The following NEMP2 variants were observed in gnomAD, a reference collection of about 807,000 sequenced individuals.
The protein encoded by NEMP2 is UPF0571 transmembrane protein.
A neutral mutation model predicts 54.2 loss-of-function variants in NEMP2; 53 were observed. The observed-to-expected ratio is 0.98, with a 90% CI of 0.78 to 1.23. The LOEUF is 1.23. NEMP2 is among the 50% of genes most tolerant of loss of function. The pLI is 0.00. For synonymous variants in NEMP2, 197 were observed against 190.3 expected (o/e 1.04, Z -0.29); for missense variants, 455 against 511.3 (o/e 0.89, Z 1.06).
chr2:190,635,116 CTTACAGGCTACCA>C, the NEMP2 span, among the ~76,000 whole-genome samples: 1 of 152,224 alleles, frequency 6.6e-6, no homozygotes, highest in East Asian at 1.9e-4. The surrounding 1 kb of genome is among the most constrained non-coding windows in gnomAD (Gnocchi z 4.1). Flanking sequence ...TGTTAGTGTA[CTTACAGGCTACCA>C]TTGCAGCAAC....
the NEMP2 span, among the ~76,000 whole-genome samples, chr2:190,438,447 C>T: frequency 6.6e-6 from 1 of 152,172 alleles, no homozygotes; most frequent in Non-Finnish European, 1.5e-5. The surrounding 1 kb of genome is among the most constrained non-coding windows in gnomAD (Gnocchi z 5.2). Context: ...ACCCAGGAGG[C>T]AGAGGTTGCA....
At chr2:190,616,213 TA>T in the NEMP2 span, among the ~76,000 whole-genome samples, 1 of 152,000 alleles carries the variant, frequency 6.6e-6, no homozygotes, top group Admixed American at 6.6e-5. This position sits in a 1 kb window ranked among gnomAD's most constrained non-coding sequence, Gnocchi z 5.1. Context: ...ATAAAATACT[TA>T]GAGAAAAACC....
At chr2:190,628,531 T>C in the NEMP2 span, 1 of 152,280 alleles carries the variant, frequency 6.6e-6, no homozygotes, top group East Asian at 1.9e-4. The surrounding 1 kb of genome is among the most constrained non-coding windows in gnomAD (Gnocchi z 4.1). Flanking sequence ...TCAGGAACTC[T>C]TGAGTGAAGA....
At chr2:190,500,283 C>G, downstream of NEMP2, 1 of 1,559,328 alleles carries the variant, frequency 6.4e-7, no homozygotes, top group Non-Finnish European at 8.8e-7. The surrounding 1 kb of genome is among the most constrained non-coding windows in gnomAD (Gnocchi z 5.3). Context: ...CAGGGTGAGG[C>G]CCCCCAGCCA....
At chr2:190,431,280 G>A in the NEMP2 span, among the ~76,000 whole-genome samples, 3 of 152,120 alleles carry the variant, frequency 2.0e-5, no homozygotes, top group African/African-American at 2.4e-5. The surrounding 1 kb of genome is among the most constrained non-coding windows in gnomAD (Gnocchi z 4.4). Flanking sequence ...AGGCAGAGAC[G>A]CTCCTCACTT....
the NEMP2 span, among the ~76,000 whole-genome samples, chr2:190,583,916 A>G: frequency 2.0e-5 from 3 of 152,178 alleles, no homozygotes; most frequent in African/African-American, 7.2e-5. Context: ...CTGTGCTTGG[A>G]GTTATGGATA....
At chr2:190,448,142 AC>A in the NEMP2 span, among the ~76,000 whole-genome samples, 2 of 152,172 alleles carry the variant, frequency 1.3e-5, no homozygotes, top group Admixed American at 6.5e-5. Context: ...TTAGACTGCC[AC>A]CCTCTAACAG....
the NEMP2 span, among the ~76,000 whole-genome samples, chr2:190,572,863 A>ATATG: frequency 2.2e-4 from 28 of 128,924 alleles, no homozygotes; most frequent in African/African-American, 7.9e-4. Context: ...ATATATATAT[A>ATATG]TATATATATA....
the NEMP2 span, chr2:190,648,501 G>A: frequency 6.9e-6 from 1 of 145,168 alleles, no homozygotes; most frequent in Non-Finnish European, 1.5e-5. Context: ...GGCCAGGGGA[G>A]CCCGGCGCGC....
At chr2:190,597,055 A>G in the NEMP2 span, among the ~76,000 whole-genome samples, 1 of 152,096 alleles carries the variant, frequency 6.6e-6, no homozygotes. This position sits in a 1 kb window ranked among gnomAD's most constrained non-coding sequence, Gnocchi z 4.7. Flanking sequence ...TGAGCCCAGG[A>G]GTTCAGGACT....
chr2:190,538,552 T>C (rs1162089793), upstream of NEMP2, among the ~76,000 whole-genome samples: 1 of 152,166 alleles, frequency 6.6e-6, no homozygotes, highest in East Asian at 1.9e-4. This position sits in a 1 kb window ranked among gnomAD's most constrained non-coding sequence, Gnocchi z 4.1. Flanking sequence ...ATAGTTCCCA[T>C]AGAGGCTGTG....
chr2:190,622,242 A>C, the NEMP2 span, among the ~76,000 whole-genome samples: 1 of 152,022 alleles, frequency 6.6e-6, no homozygotes, highest in Non-Finnish European at 1.5e-5. Flanking sequence ...TCTCCAAGAA[A>C]ATAAAAATTT....
intron 4 of NEMP2, 36 bp downstream of exon 4, chr2:190,518,700 A>G: frequency 1.4e-6 from 2 of 1,451,046 alleles, no homozygotes; most frequent in Non-Finnish European, 1.9e-6. Context: ...ATCCCTTTTC[A>G]TTCACAAAGT....
chr2:190,476,335 T>C, the NEMP2 span, among the ~76,000 whole-genome samples: 2 of 152,072 alleles, frequency 1.3e-5, no homozygotes, highest in African/African-American at 4.8e-5. Flanking sequence ...ATCCAGAATC[T>C]ACAAAGAACT....
the NEMP2 span, among the ~76,000 whole-genome samples, chr2:190,592,742 A>G: frequency 1.4e-4 from 22 of 152,176 alleles, no homozygotes; most frequent in African/African-American, 5.3e-4. This position sits in a 1 kb window ranked among gnomAD's most constrained non-coding sequence, Gnocchi z 4.4. Context: ...TACTGCAACC[A>G]GATGAGAATA....
At chr2:190,640,560 G>A in the NEMP2 span, among the ~76,000 whole-genome samples, 1 of 152,136 alleles carries the variant, frequency 6.6e-6, no homozygotes, top group Non-Finnish European at 1.5e-5. Flanking sequence ...GAGTCATGAT[G>A]TATAAGTCCA....
At chr2:190,493,139 G>A in the NEMP2 span, among the ~76,000 whole-genome samples, 9 of 151,994 alleles carry the variant, frequency 5.9e-5, no homozygotes, top group East Asian at 5.8e-4. Context: ...CAAGAGACTC[G>A]CCTAACACAT....
At chr2:190,547,873 T>A in the NEMP2 span, among the ~76,000 whole-genome samples, 1 of 152,030 alleles carries the variant, frequency 6.6e-6, no homozygotes, top group South Asian at 2.1e-4. The surrounding 1 kb of genome is among the most constrained non-coding windows in gnomAD (Gnocchi z 6.2). Flanking sequence ...ATAAGAAAAA[T>A]TCGATAAAGG....
intron 6 of NEMP2, among the ~76,000 whole-genome samples, chr2:190,515,329 G>A (rs570039622): frequency 6.6e-6 from 1 of 152,246 alleles, no homozygotes; most frequent in Non-Finnish European, 1.5e-5. Flanking sequence ...GATTCTACAG[G>A]ACAAGCTTGG....
Sources: allele counts gnomAD v4.1 joint callset (sites outside exome capture counted in the v4.1 genomes callset), GRCh38; gene constraint gnomAD v4.1.1; non-coding constraint Gnocchi (gnomAD v3.1); transcripts MANE v1.5; gene names NCBI Gene and HGNC (gene_info 2026-07-23, HGNC 2026-07-21).